LRRC3B: variants seen among roughly 807,000 people sequenced by gnomAD.
LRRC3B encodes the protein leucine rich repeat containing 3B.
Under a neutral mutation model 12.8 loss-of-function variants are expected in LRRC3B, and 2 were observed. The observed-to-expected ratio is 0.16, with a 90% confidence interval of 0.06 to 0.49. LRRC3B has a LOEUF of 0.49. LRRC3B is among the 20% of genes least tolerant of loss of function. The pLI, the probability that LRRC3B is intolerant of heterozygous loss-of-function variation, is 0.96. For synonymous variants in LRRC3B, 132 were observed against 122.0 expected (o/e 1.08, Z -0.54); for missense variants, 189 against 319.4 (o/e 0.59, Z 3.11).
intron 1 of LRRC3B, among the ~76,000 whole-genome samples, chr3:26,687,795 A>G (rs535159920): frequency 1.3e-5 from 2 of 152,298 alleles, no homozygotes; most frequent in East Asian, 3.9e-4. Context: ...AATGAAAATG[A>G]CCCAGGACTG....
intron 1 of LRRC3B, among the ~76,000 whole-genome samples, chr3:26,683,494 G>A (rs1445470817): frequency 1.3e-5 from 2 of 152,168 alleles, no homozygotes; most frequent in Non-Finnish European, 2.9e-5. Context: ...GCTATGAGTT[G>A]GATCCCCAGG....
intron 1 of LRRC3B, among the ~76,000 whole-genome samples, chr3:26,640,731 T>C (rs1414034259): frequency 6.6e-6 from 1 of 152,144 alleles, no homozygotes; most frequent in Non-Finnish European, 1.5e-5. Flanking sequence ...TAAAGCACTG[T>C]AAGTGGAGTT....
At position 26,656,660 on chromosome 3, in the gene LRRC3B, C is replaced by T. The variant is rs555548628; in HGVS notation, c.-161+33423C>T. ...AGAAGAAATGAATTTTAGAGAGACC[C>T]GTATTAGGGAAGGAGAGGAAAGCAT... On this transcript the variant is annotated intron_variant, in intron 1 of 1. Transcript: ENST00000396641. Among the ~76,000 whole-genome samples the T allele has an allele frequency of 2.6e-5, 4 of 152,200 alleles. No individual in the cohort carries two copies. In the South Asian group the frequency reaches 6.2e-4, roughly 24 times the overall value.
At chr3:26,707,620 A>G (rs1413324574) in intron 1 of LRRC3B, among the ~76,000 whole-genome samples, 3 of 152,162 alleles carry the variant, frequency 2.0e-5, no homozygotes, top group Non-Finnish European at 4.4e-5. Context: ...CATATACTCA[A>G]TGGATGGAAA....
chr3:26,704,411 T>C (rs1700532507), intron 1 of LRRC3B, among the ~76,000 whole-genome samples: 1 of 152,208 alleles, frequency 6.6e-6, no homozygotes, highest in Non-Finnish European at 1.5e-5. Flanking sequence ...CTATGCCTAA[T>C]TTTAATCTAG....
At chr3:26,683,357 A>T (rs1410352716) in intron 1 of LRRC3B, among the ~76,000 whole-genome samples, 2 of 152,236 alleles carry the variant, frequency 1.3e-5, no homozygotes, top group African/African-American at 4.8e-5. Flanking sequence ...CAGCTGAAAT[A>T]TCCAAATATT....
At chr3:26,707,902 A>G (rs1214786124) in intron 1 of LRRC3B, among the ~76,000 whole-genome samples, 1 of 152,162 alleles carries the variant, frequency 6.6e-6, no homozygotes, top group Non-Finnish European at 1.5e-5. Flanking sequence ...TGGAGGGCTT[A>G]GTAAGCTTAG....
At chr3:26,649,512 A>T (rs1283731348) in intron 1 of LRRC3B, among the ~76,000 whole-genome samples, 1 of 152,238 alleles carries the variant, frequency 6.6e-6, no homozygotes, top group East Asian at 1.9e-4. Flanking sequence ...CAAATTAAAG[A>T]TAAAATCAAA....
chr3:26,709,448 A>ACCT (rs1700693214), intron 1 of LRRC3B, 65 bp from the exon 2 acceptor site: 1 of 564,174 alleles, frequency 1.8e-6, no homozygotes, highest in African/African-American at 1.9e-5. Flanking sequence ...ACCTGAGAAC[A>ACCT]CCTTTCATTA....
intron 1 of LRRC3B, among the ~76,000 whole-genome samples, chr3:26,650,533 C>A (rs1467408114): frequency 6.6e-6 from 1 of 152,092 alleles, no homozygotes; most frequent in Middle Eastern, 3.2e-3. Context: ...AGGCAATAAG[C>A]AAGTACAGAG....
chr3:26,665,607 G>A (rs527604465), intron 1 of LRRC3B, among the ~76,000 whole-genome samples: 7 of 152,230 alleles, frequency 4.6e-5, no homozygotes, highest in African/African-American at 1.2e-4. Context: ...AGTGTGAAAA[G>A]TAAATAAACT....
At chr3:26,680,358 A>G (rs1699946344) in intron 1 of LRRC3B, among the ~76,000 whole-genome samples, 1 of 152,200 alleles carries the variant, frequency 6.6e-6, no homozygotes, top group African/African-American at 2.4e-5. Flanking sequence ...TATTTGTCTC[A>G]TTAATCTATT....
intron 1 of LRRC3B, among the ~76,000 whole-genome samples, chr3:26,698,419 G>A (rs898102698): frequency 4.6e-5 from 7 of 152,246 alleles, no homozygotes; most frequent in Non-Finnish European, 1.0e-4. Context: ...TGGAGTTCAT[G>A]AGATGCAATT....
rs946585753 is a variant in LRRC3B, at chr3:26,650,571, C to T, written c.-161+27334C>T. ...AATTTGAAAATATTGTAAACCAACT[C>T]GGAGGTGTTTTGCTTTTTTTTTCAC... On this transcript the variant is annotated intron_variant, in intron 1 of 1. Coordinates refer to ENST00000396641, the Ensembl canonical transcript of LRRC3B. Among the ~76,000 whole-genome samples the T allele has an allele frequency of 4.6e-5, 7 of 152,036 alleles. No homozygotes were observed. In the South Asian group the frequency reaches 8.3e-4, roughly 18 times the overall value.
chr3:26,667,729 A>T (rs1699636751), intron 1 of LRRC3B, among the ~76,000 whole-genome samples: 2 of 152,154 alleles, frequency 1.3e-5, no homozygotes, highest in Admixed American at 1.3e-4. Flanking sequence ...GTCACATGGG[A>T]ACTTACTAAA....
At chr3:26,648,936 A>C (rs1699209816) in intron 1 of LRRC3B, among the ~76,000 whole-genome samples, 1 of 152,172 alleles carries the variant, frequency 6.6e-6, no homozygotes, top group African/African-American at 2.4e-5. Context: ...CAAAAATAAG[A>C]ATGGGGCATT....
intron 1 of LRRC3B, among the ~76,000 whole-genome samples, chr3:26,638,903 T>C (rs1698960593): frequency 6.6e-6 from 1 of 152,198 alleles, no homozygotes; most frequent in East Asian, 1.9e-4. Flanking sequence ...TTGAAAGTCC[T>C]AAGGATTTTT....
chr3:26,704,695 C>T (rs1700541782), intron 1 of LRRC3B, among the ~76,000 whole-genome samples: 1 of 152,060 alleles, frequency 6.6e-6, no homozygotes, highest in South Asian at 2.1e-4. Flanking sequence ...TGTACTGTTG[C>T]ACCCAGCTCT....
At chr3:26,694,127 G>C (rs886076282) in intron 1 of LRRC3B, among the ~76,000 whole-genome samples, 1 of 152,162 alleles carries the variant, frequency 6.6e-6, no homozygotes, top group Non-Finnish European at 1.5e-5. Flanking sequence ...CATACTCTTT[G>C]AGAATATTTA....
Sources: allele counts gnomAD v4.1 joint callset (sites outside exome capture counted in the v4.1 genomes callset), GRCh38; gene constraint gnomAD v4.1.1; transcripts MANE v1.5; gene names NCBI Gene and HGNC (gene_info 2026-07-23, HGNC 2026-07-21).